Variants in BRF1 observed in about 807,000 individuals in gnomAD.
BRF1 encodes BRF1 general transcription factor IIIB subunit.
A neutral mutation model predicts 81.7 loss-of-function variants in BRF1; 59 were observed. The observed-to-expected ratio is 0.72, with a 90% confidence interval of 0.59 to 0.90. BRF1 has a LOEUF of 0.90. Ranked by LOEUF, BRF1 falls within the 40% of genes least tolerant of loss-of-function variation. The probability of loss-of-function intolerance (pLI) is 0.00; values close to 1 mark genes in which losing one functional copy is unlikely to be tolerated. For missense variants in BRF1, 1,050 were observed against 936.3 expected (o/e 1.12, Z -1.58); for synonymous variants, 491 against 395.6 (o/e 1.24, Z -2.86).
intron 1 of BRF1, among the ~76,000 whole-genome samples, chr14:105,288,236 C>CTT (rs1339091729): frequency 2.0e-5 from 3 of 152,090 alleles, no homozygotes; most frequent in Non-Finnish European, 4.4e-5. Context: ...GGGTGGATCA[C>CTT]GAGGTCAGGA....
chr14:105,260,254 T>C (rs1386534708), intron 3 of BRF1, among the ~76,000 whole-genome samples: 2 of 152,218 alleles, frequency 1.3e-5, no homozygotes, highest in Non-Finnish European at 2.9e-5. Context: ...CACAGACGTC[T>C]GCAACTTGCC....
chr14:105,272,720 C>G lies in BRF1; in HGVS notation c.439+1G>C. ...TGGGAGGCTCTCAAACCAAAGGATA[C>G]GCGGCGTGCCCTCCGTACGGCAGAC... On this transcript the variant is annotated splice_donor_variant, in intron 3 of 17. Transcript: ENST00000547530. LOFTEE classifies it high-confidence loss of function. The G allele has an allele frequency of 1.2e-6, 2 of 1,601,674 alleles. No homozygotes were observed. The highest frequency in any genetic ancestry group is 1.7e-6 in the Non-Finnish European group (2 of 1,170,914).
chr14:105,212,098 C>G lies in BRF1; in HGVS notation c.1824+15G>C, dbSNP rs371012949. On this transcript the variant is annotated intron_variant, in intron 16 of 17. Transcript: ENST00000547530. The stretch of plus-strand genomic sequence containing the variant: ...TCCCAAGGTCTCCCTGCCCTGGCTG[C>G]GTGGGACAACACACCTCTCCCGTGG... The G allele has an allele frequency of 6.2e-7, 1 of 1,611,826 alleles. No individual in the cohort carries two copies. Among genetic ancestry groups the G allele is most frequent in the Non-Finnish European group, 8.5e-7 (1 of 1,179,250 alleles).
intron 14 of BRF1, 145 bp from the exon 15 acceptor site, chr14:105,217,945 A>C: frequency 7.6e-7 from 1 of 1,319,986 alleles, no homozygotes; most frequent in Non-Finnish European, 1.0e-6. Context: ...TCCCCCCAGA[A>C]TGTGGGCCAG....
chr14:105,253,935 G>A (rs868854452), intron 4 of BRF1, among the ~76,000 whole-genome samples: 1 of 152,258 alleles, frequency 6.6e-6, no homozygotes, highest in African/African-American at 2.4e-5. Context: ...AGACATGCAT[G>A]TGTGTACACA....
In BRF1 at chr14:105,315,046, C is replaced by G; in HGVS notation, c.-162+276G>C. ...CCCAGCTGCGTGCCCAGGTACGCGC[C>G]GCCCGCCGCGCTTTGTTCCCGCCGG... On this transcript the variant is annotated intron_variant, in intron 1 of 17. Transcript: ENST00000327359. The surrounding 1 kb of genome is among the most constrained non-coding windows in gnomAD (Gnocchi z 4.4). 1 of 1,169,986 alleles carries G rather than the reference C, an allele frequency of 8.5e-7. No individual in the cohort carries two copies. The highest frequency in any genetic ancestry group is 1.1e-6 in the Non-Finnish European group (1 of 938,978). 72.5% of individuals were successfully genotyped at this position (1,169,986 alleles called of 1,614,324 possible). A position where few individuals can be genotyped will look rare whatever the true frequency, so the allele number is the denominator to read the frequency against.
intron 15 of BRF1, among the ~76,000 whole-genome samples, chr14:105,214,311 C>G (rs1890663981): frequency 6.6e-6 from 1 of 152,258 alleles, no homozygotes; most frequent in South Asian, 2.1e-4. Flanking sequence ...ACAGACTGAT[C>G]TGCATGGGCT....
chr14:105,222,087 G>T, intron 10 of BRF1, 173 bp from the exon 11 acceptor site: 1 of 715,710 alleles, frequency 1.4e-6, no homozygotes, highest in Non-Finnish European at 2.2e-6. Context: ...CACTGCACGC[G>T]GAAGTTAGCT....
chr14:105,304,709 G>A (rs151147723), upstream of BRF1, among the ~76,000 whole-genome samples: 98 of 152,348 alleles, frequency 6.4e-4, no homozygotes, highest in African/African-American at 2.3e-3. Flanking sequence ...TATTGGACCT[G>A]TAGTTCCACG....
chr14:105,303,565 A>G (rs1026372217), upstream of BRF1, among the ~76,000 whole-genome samples: 6 of 152,098 alleles, frequency 3.9e-5, no homozygotes, highest in African/African-American at 1.4e-4. Flanking sequence ...TTTAAGGTGA[A>G]AGATGAAATC....
chr14:105,219,371 G>A (rs1231761235), intron 12 of BRF1, 139 bp from the exon 13 acceptor site: 8 of 1,487,492 alleles, frequency 5.4e-6, no homozygotes, highest in Admixed American at 2.2e-5. Flanking sequence ...TGCGGAGCCT[G>A]GGCTGAGGCC....
chr14:105,250,391 C>A (rs781466998), intron 5 of BRF1: 2 of 1,613,792 alleles, frequency 1.2e-6, no homozygotes, highest in Admixed American at 1.7e-5. Flanking sequence ...TGAGCTCAAG[C>A]GGCTCGGGGT....
At chr14:105,219,343 G>A (rs587702302) in intron 12 of BRF1, 111 bp from the exon 13 acceptor site, 7 of 1,544,170 alleles carry the variant, frequency 4.5e-6, no homozygotes, top group South Asian at 2.4e-5. Context: ...AGGGGAACCC[G>A]GGGCAGCCTC....
intron 3 of BRF1, among the ~76,000 whole-genome samples, chr14:105,258,264 G>A (rs989067454): frequency 6.6e-6 from 1 of 152,188 alleles, no homozygotes; most frequent in African/African-American, 2.4e-5. Flanking sequence ...CGAGGTGGGT[G>A]GATCACAAGG....
chr14:105,241,033 G>A (rs587713083), intron 6 of BRF1, among the ~76,000 whole-genome samples: 12 of 152,346 alleles, frequency 7.9e-5, no homozygotes, highest in Admixed American at 7.2e-4. Context: ...AGGCCGCTCT[G>A]CCCTGAGAGT....
chr14:105,310,617 G>A (rs1006516261), intron 1 of BRF1, among the ~76,000 whole-genome samples: 2 of 151,628 alleles, frequency 1.3e-5, no homozygotes, highest in African/African-American at 2.4e-5. Context: ...AGTTTGTTGC[G>A]TTGGGTGAGG....
At chr14:105,226,812 G>C (rs1267072492) in intron 7 of BRF1, 52 bp from the exon 8 acceptor site, 9 of 1,610,896 alleles carry the variant, frequency 5.6e-6, no homozygotes, top group Admixed American at 1.7e-5. Context: ...GAAACCAGCT[G>C]TTTAAAACTG....
chr14:105,212,413 C>G (rs776450731), intron 15 of BRF1: 1 of 487,854 alleles, frequency 2.0e-6, no homozygotes, highest in African/African-American at 2.0e-5. Context: ...GCAGACGCCC[C>G]GCTCCCCAGC....
chr14:105,219,266 A>T (rs1891848862), intron 12 of BRF1, 34 bp from the exon 13 acceptor site: 2 of 1,605,982 alleles, frequency 1.2e-6, no homozygotes, highest in East Asian at 4.5e-5. Flanking sequence ...GCTGGCTTTT[A>T]GCCTTCGCAC....
Sources: gnomAD v4.1 joint callset for allele counts (sites outside exome capture counted in the v4.1 genomes callset) on GRCh38, gnomAD v4.1.1 for gene constraint, Gnocchi (gnomAD v3.1) non-coding constraint, MANE v1.5 for transcripts, NCBI Gene and HGNC (gene_info 2026-07-23, HGNC 2026-07-21) for gene names.